The following NOS1AP variants were observed in gnomAD, a reference collection of about 807,000 sequenced individuals.
NOS1AP encodes the protein carboxyl-terminal PDZ ligand of neuronal nitric oxide synthase protein.
A neutral mutation model predicts 56.2 loss-of-function variants in NOS1AP; 21 were observed. That is an observed-to-expected ratio of 0.37 (90% confidence interval 0.26 to 0.54). The LOEUF is 0.54. Among genes scored for constraint, NOS1AP ranks in the 20% least tolerant of loss-of-function variants. The pLI, the probability that NOS1AP is intolerant of heterozygous loss-of-function variation, is 0.84. For missense variants in NOS1AP, 522 were observed against 657.8 expected (o/e 0.79, Z 2.26); for synonymous variants, 270 against 274.6 (o/e 0.98, Z 0.17).
chr1:162,119,628 C>G (rs540986515), intron 1 of NOS1AP, among the ~76,000 whole-genome samples: 1 of 152,252 alleles, frequency 6.6e-6, no homozygotes, highest in Non-Finnish European at 1.5e-5. Context: ...GTATTAGGAA[C>G]CTACTTGCAT....
At chr1:162,300,900 G>T (rs1655629337) in intron 4 of NOS1AP, among the ~76,000 whole-genome samples, 194 bp downstream of exon 4, 1 of 152,090 alleles carries the variant, frequency 6.6e-6, no homozygotes, top group African/African-American at 2.4e-5. Context: ...ATGCTTGATT[G>T]CATTAAGGAA....
At chr1:162,107,366 TC>T (rs1476430304) in intron 1 of NOS1AP, among the ~76,000 whole-genome samples, 1 of 152,182 alleles carries the variant, frequency 6.6e-6, no homozygotes, top group Non-Finnish European at 1.5e-5. Context: ...GACAGGGTCT[TC>T]CTCTGTCATT....
chr1:162,321,409 G>C (rs1656408364), intron 4 of NOS1AP, among the ~76,000 whole-genome samples: 1 of 152,166 alleles, frequency 6.6e-6, no homozygotes. Context: ...ATGAGTTCAT[G>C]TCCATTGTAG....
intron 2 of NOS1AP, among the ~76,000 whole-genome samples, chr1:162,246,148 C>A (rs1272447152): frequency 6.6e-6 from 1 of 152,108 alleles, no homozygotes; most frequent in African/African-American, 2.4e-5. Context: ...GTAACTTAGA[C>A]CTTCTGTGAT....
chr1:162,276,123 GA>G (rs1415674599), intron 2 of NOS1AP, among the ~76,000 whole-genome samples: 1 of 152,096 alleles, frequency 6.6e-6, no homozygotes, highest in East Asian at 1.9e-4. Context: ...ATCTTTTACA[GA>G]AAAAAATTTA....
At chr1:162,297,152 T>C (rs1270295771) in intron 3 of NOS1AP, among the ~76,000 whole-genome samples, 2 of 152,192 alleles carry the variant, frequency 1.3e-5, no homozygotes, top group Non-Finnish European at 2.9e-5. Flanking sequence ...CAGACCCTCT[T>C]TGGGGCTGCT....
chr1:162,367,558 C>T lies in NOS1AP; in HGVS notation c.*91C>T. 7.2e-7 allele frequency: 1 copy of T among 1,389,108 alleles called. No individual in the cohort carries two copies. Among genetic ancestry groups the T allele is most frequent in the Non-Finnish European group, 9.6e-7 (1 of 1,036,746 alleles). 86.0% of individuals were successfully genotyped at this position (1,389,108 alleles called of 1,614,324 possible). On this transcript the variant is annotated 3_prime_UTR_variant, in exon 10 of 10. Transcript: ENST00000361897. The surrounding 1 kb of genome is among the most constrained non-coding windows in gnomAD (Gnocchi z 6.5). ...GTAGGGGATGCCCAGTGAATGTGCA[C>T]TGCCGAGGAGAATGCCAGCCAGGGC...
intron 6 of NOS1AP, among the ~76,000 whole-genome samples, chr1:162,348,878 C>G (rs1657391758): frequency 6.6e-6 from 1 of 152,160 alleles, no homozygotes. Flanking sequence ...GTAGGTCGGC[C>G]TTTGCTCTAT....
In NOS1AP at chr1:162,135,114, T is replaced by A. The variant is rs1163196908; in HGVS notation, c.106-19291T>A. ...AGCAAATTAGGTGTTTGCCTTTCTGTGCTTCTACTGGACTTGGTAGATATA... is the reference window on the plus strand; with the variant it reads ...AGCAAATTAGGTGTTTGCCTTTCTGAGCTTCTACTGGACTTGGTAGATATA... On this transcript the variant is annotated intron_variant, in intron 1 of 9. Transcript: ENST00000361897. Among the ~76,000 whole-genome samples, 5 of 152,250 alleles carry A rather than the reference T, an allele frequency of 3.3e-5. No individual in the cohort carries two copies. The East Asian group carries it at 9.6e-4, about 29-fold the overall frequency.
intron 1 of NOS1AP, among the ~76,000 whole-genome samples, chr1:162,136,959 A>C (rs780660309): frequency 5.9e-5 from 9 of 152,198 alleles, no homozygotes; most frequent in Middle Eastern, 3.2e-3. Context: ...CTGAGGAATT[A>C]GTGACTCATA....
intron 2 of NOS1AP, among the ~76,000 whole-genome samples, chr1:162,267,595 A>C (rs1459289177): frequency 9.0e-6 from 1 of 110,984 alleles, no homozygotes; most frequent in African/African-American, 4.0e-5. Flanking sequence ...CCCTGTCTCT[A>C]CAAAAAAAAA....
chr1:162,212,884 C>T (rs1172544131), intron 2 of NOS1AP, among the ~76,000 whole-genome samples: 3 of 152,130 alleles, frequency 2.0e-5, no homozygotes, highest in East Asian at 1.9e-4. Flanking sequence ...CCCCGGCACA[C>T]GGCGGACCAT....
chr1:162,255,074 C>A (rs1653981570), intron 2 of NOS1AP, among the ~76,000 whole-genome samples: 1 of 152,182 alleles, frequency 6.6e-6, no homozygotes. Flanking sequence ...AGGAATAGTA[C>A]AGCTTGAATG....
At chr1:162,089,554 G>A (rs887762120) in intron 1 of NOS1AP, among the ~76,000 whole-genome samples, 6 of 152,120 alleles carry the variant, frequency 3.9e-5, no homozygotes, top group South Asian at 2.1e-4. Flanking sequence ...ATCTGTGAAC[G>A]TTACTTTACA....
At chr1:162,250,790 C>T (rs1653824268) in intron 2 of NOS1AP, among the ~76,000 whole-genome samples, 1 of 152,158 alleles carries the variant, frequency 6.6e-6, no homozygotes, top group Non-Finnish European at 1.5e-5. Context: ...GACTACCTTT[C>T]CACCTATAGC....
chr1:162,326,334 A>C (rs1030719353), intron 4 of NOS1AP, among the ~76,000 whole-genome samples: 18 of 152,162 alleles, frequency 1.2e-4, no homozygotes, highest in African/African-American at 4.3e-4. Context: ...CTGCAGTCCT[A>C]AAGTCAGCAG....
At chr1:162,196,798 G>C (rs574031024) in intron 2 of NOS1AP, among the ~76,000 whole-genome samples, 9 of 152,308 alleles carry the variant, frequency 5.9e-5, no homozygotes, top group African/African-American at 1.4e-4. Context: ...GGGTTGCTTG[G>C]GGGGAACAGA....
chr1:162,300,024 A>G (rs1335618179), intron 3 of NOS1AP, among the ~76,000 whole-genome samples: 1 of 152,118 alleles, frequency 6.6e-6, no homozygotes, highest in Admixed American at 6.5e-5. Context: ...TCCTTCTTTC[A>G]TGGATGAATG....
intron 1 of NOS1AP, among the ~76,000 whole-genome samples, chr1:162,089,712 T>C (rs1043727775): frequency 6.6e-6 from 1 of 152,152 alleles, no homozygotes; most frequent in Non-Finnish European, 1.5e-5. Flanking sequence ...GAAAAGACAG[T>C]GTAACCACAG....
Sources: allele counts gnomAD v4.1 joint callset (sites outside exome capture counted in the v4.1 genomes callset), GRCh38; gene constraint gnomAD v4.1.1; non-coding constraint Gnocchi (gnomAD v3.1); transcripts MANE v1.5; gene names NCBI Gene and HGNC (gene_info 2026-07-23, HGNC 2026-07-21).